The following PASD1 variants were observed in gnomAD, a reference collection of about 807,000 sequenced individuals.
PASD1 encodes the protein circadian clock protein PASD1.
Under a neutral mutation model 58.8 loss-of-function variants are expected in PASD1, and 13 were observed. The ratio of observed to expected loss-of-function variants is 0.22; its 90% CI spans 0.14 to 0.35. PASD1 has a LOEUF of 0.35. Among genes scored for constraint, PASD1 ranks in the 10% least tolerant of loss-of-function variants. PASD1 has a pLI of 1.00. For missense variants in PASD1, 734 were observed against 568.3 expected (o/e 1.29, Z -2.96); for synonymous variants, 236 against 216.7 (o/e 1.09, Z -0.78).
At chrX:151,636,547 G>A (rs752296853) in intron 8 of PASD1, among the ~76,000 whole-genome samples, 2 of 110,548 alleles carry the variant, frequency 1.8e-5, no homozygotes, top group Non-Finnish European at 3.8e-5. Context: ...GGGATTACAG[G>A]TGCCTGCCAC....
In PASD1 at chrX:151,676,006, T is replaced by G; in HGVS notation, c.2185T>G (p.Ser729Ala). 8.3e-7 allele frequency: 1 copy of G among 1,211,497 alleles called. No homozygotes were observed. ...CACTTTTTCCTGGCAGGTGCAAGTT[T>G]CTGAGGTAGGAGTCGAGGGACCTCC... The part of the protein sequence containing the change: ...GQPTYHQVQV[S>A]EVGVEGPPDP... Residue 729 changes from serine to alanine, a missense_variant, in exon 16 of 16, where the codon TCT becomes GCT. Ser to Ala is a moderately conservative substitution (Grantham distance 99, BLOSUM62 1). Transcript: ENST00000370357.
chrX:151,625,428 A>G lies in PASD1; in HGVS notation c.547-20A>G, dbSNP rs372830260. 4.3e-6 allele frequency: 5 copies of G among 1,168,644 alleles called. No individual in the cohort carries two copies. The highest frequency in any genetic ancestry group is 2.3e-4 in the Middle Eastern group (1 of 4,265). On this transcript the variant is annotated intron_variant, in intron 7 of 15. Coordinates refer to ENST00000370357, the MANE Select transcript of PASD1 (RefSeq NM_173493.3). ...ATTTATATACATATTAAATGTCTAA[A>G]TATTTGAATTTTTCTGCAGCAACTT...
At chrX:151,638,556 A>G (rs998558895) in intron 8 of PASD1, among the ~76,000 whole-genome samples, 33 of 111,587 alleles carry the variant, frequency 3.0e-4, no homozygotes, top group Non-Finnish European at 9.4e-5. Context: ...ACCACAGTCT[A>G]TGAGTTTTGA....
At chrX:151,617,691 C>T (rs1257230057) in intron 4 of PASD1, among the ~76,000 whole-genome samples, 3 of 111,761 alleles carry the variant, frequency 2.7e-5, no homozygotes, top group East Asian at 2.8e-4. Flanking sequence ...GGAACTGGTC[C>T]AGTAGCAAAT....
At chrX:151,603,990 G>C (rs2013453824) in intron 2 of PASD1, among the ~76,000 whole-genome samples, 1 of 111,905 alleles carries the variant, frequency 8.9e-6, no homozygotes, top group Non-Finnish European at 1.9e-5. Context: ...TGTTAGTGAA[G>C]TCCCTTTGCT....
chrX:151,647,538 T>G (rs2124295110), intron 8 of PASD1, among the ~76,000 whole-genome samples: 1 of 109,325 alleles, frequency 9.1e-6, no homozygotes, highest in East Asian at 2.8e-4. Flanking sequence ...TATATTTAAT[T>G]AAATATATAC....
chrX:151,639,746 A>T (rs1338486731), intron 8 of PASD1, among the ~76,000 whole-genome samples: 2 of 111,584 alleles, frequency 1.8e-5, no homozygotes, highest in African/African-American at 6.5e-5. Context: ...TGAGAGTGGG[A>T]TTGCATTCAG....
intron 1 of PASD1, among the ~76,000 whole-genome samples, chrX:151,581,227 C>CAAAAAAAAAAAAAA (rs55664238): frequency 0.037 from 1,171 of 31,436 alleles, 126 homozygotes; most frequent in East Asian, 0.096. Flanking sequence ...AGCTCTGTAT[C>CAAAAAAAAAAAAAA]AAAAAAAAAA....
chrX:151,626,070 TA>T (rs2013783111), intron 8 of PASD1, among the ~76,000 whole-genome samples: 1 of 112,373 alleles, frequency 8.9e-6, no homozygotes, highest in Admixed American at 9.4e-5. Flanking sequence ...TTTTATTTTT[TA>T]AAAAAAGCAT....
intron 1 of PASD1, among the ~76,000 whole-genome samples, chrX:151,575,314 T>C (rs2012987958): frequency 9.0e-6 from 1 of 111,173 alleles, no homozygotes; most frequent in African/African-American, 3.3e-5. Context: ...ATTTCTAATC[T>C]GGAAAGTCTT....
chrX:151,622,164 C>T (rs1186070609), intron 6 of PASD1, among the ~76,000 whole-genome samples: 1 of 110,755 alleles, frequency 9.0e-6, no homozygotes, highest in Non-Finnish European at 1.9e-5. Flanking sequence ...AACCAAAACC[C>T]AAATTTTTGT....
chrX:151,667,375 CT>C (rs1015075913), intron 11 of PASD1, among the ~76,000 whole-genome samples: 2 of 111,432 alleles, frequency 1.8e-5, no homozygotes, highest in African/African-American at 6.5e-5. Context: ...TGCAGAAGCT[CT>C]TTAGTTTAAT....
intron 15 of PASD1, among the ~76,000 whole-genome samples, chrX:151,675,213 C>T (rs2014529498): frequency 8.9e-6 from 1 of 112,122 alleles, no homozygotes; most frequent in Non-Finnish European, 1.9e-5. Flanking sequence ...TGGGAGAAAG[C>T]AGGGCAGGAC....
intron 11 of PASD1, among the ~76,000 whole-genome samples, chrX:151,667,385 A>G (rs1030074952): frequency 7.2e-5 from 8 of 111,303 alleles, no homozygotes; most frequent in African/African-American, 9.8e-5. Context: ...CTTTAGTTTA[A>G]TTAGATCCCA....
intron 8 of PASD1, among the ~76,000 whole-genome samples, chrX:151,645,270 G>T (rs1022415625): frequency 9.0e-6 from 1 of 111,714 alleles, no homozygotes; most frequent in Non-Finnish European, 1.9e-5. Context: ...AGTAGGGAGA[G>T]ACATTTAGGA....
intron 1 of PASD1, among the ~76,000 whole-genome samples, chrX:151,583,379 T>C (rs2013123836): frequency 8.9e-6 from 1 of 111,921 alleles, no homozygotes; most frequent in Non-Finnish European, 1.9e-5. Flanking sequence ...TCACTAACTA[T>C]GGTTGCATAT....
chrX:151,613,063 GTTAAA>G (rs1477119537), intron 4 of PASD1, among the ~76,000 whole-genome samples: 1 of 111,946 alleles, frequency 8.9e-6, no homozygotes, highest in Non-Finnish European at 1.9e-5. Context: ...AGCACCATTT[GTTAAA>G]TAGAGAATCC....
At chrX:151,649,831 T>C (rs2014108784) in intron 9 of PASD1, among the ~76,000 whole-genome samples, 1 of 112,367 alleles carries the variant, frequency 8.9e-6, no homozygotes, top group Non-Finnish European at 1.9e-5. Flanking sequence ...GTGTTTTGCC[T>C]GAATGAATTT....
chrX:151,595,957 G>A (rs769944224), intron 1 of PASD1, among the ~76,000 whole-genome samples: 17 of 111,206 alleles, frequency 1.5e-4, no homozygotes, highest in African/African-American at 5.2e-4. Flanking sequence ...GGATTTCTGT[G>A]GAGCTCTTCT....
Sources: gnomAD v4.1 joint callset for allele counts (sites outside exome capture counted in the v4.1 genomes callset) on GRCh38, gnomAD v4.1.1 for gene constraint, MANE v1.5 for transcripts, NCBI Gene and HGNC (gene_info 2026-07-23, HGNC 2026-07-21) for gene names.